Variants in FAM13A observed in about 807,000 individuals in gnomAD.
FAM13A encodes the protein protein FAM13A.
A neutral mutation model predicts 129.6 loss-of-function variants in FAM13A; 76 were observed. That is an observed-to-expected ratio of 0.59 (90% CI 0.49 to 0.71). The LOEUF (loss-of-function observed/expected upper bound fraction) is 0.71. FAM13A is among the 30% of genes least tolerant of loss of function. The pLI is 0.00. For synonymous variants in FAM13A, 443 were observed against 449.9 expected, an observed-to-expected ratio of 0.98 and a Z score of 0.20; for missense variants, 1,108 against 1,249.3, an observed-to-expected ratio of 0.89 and a Z score of 1.70.
intron 8 of FAM13A, among the ~76,000 whole-genome samples, chr4:88,798,605 A>C (rs917033268): frequency 1.3e-5 from 2 of 152,188 alleles, no homozygotes; most frequent in Non-Finnish European, 2.9e-5. Flanking sequence ...TTTAGTTGGC[A>C]GAACATGAAG....
intron 5 of FAM13A, chr4:88,937,585 T>C (rs1754050785): frequency 6.5e-6 from 1 of 154,848 alleles, no homozygotes; most frequent in Non-Finnish European, 1.4e-5. Flanking sequence ...GACTCCTTTA[T>C]AGGTTTTTAA....
chr4:88,856,820 TCATAATC>T (rs1738593897), intron 6 of FAM13A, among the ~76,000 whole-genome samples: 1 of 152,186 alleles, frequency 6.6e-6, no homozygotes, highest in Non-Finnish European at 1.5e-5. Flanking sequence ...TTCGTTAAAC[TCATAATC>T]TTCATAAGAA....
At chr4:88,747,119 A>G in intron 18 of FAM13A, 104 bp from the exon 19 acceptor site, 4 of 765,934 alleles carry the variant, frequency 5.2e-6, no homozygotes, top group East Asian at 2.6e-5. Flanking sequence ...GAACCCTCAT[A>G]TAACAGCTCT....
intron 7 of FAM13A, among the ~76,000 whole-genome samples, chr4:88,822,184 T>C (rs1732089393): frequency 6.6e-6 from 1 of 152,124 alleles, no homozygotes; most frequent in Non-Finnish European, 1.5e-5. Context: ...AATAGGACAA[T>C]ATGATTAGCA....
intron 7 of FAM13A, among the ~76,000 whole-genome samples, chr4:88,836,290 T>C (rs1734791159): frequency 6.6e-6 from 1 of 152,234 alleles, no homozygotes; most frequent in South Asian, 2.1e-4. Context: ...TTTGTAACAC[T>C]ATTTTTCATT....
At chr4:88,788,993 C>G (rs1560997883) in intron 9 of FAM13A, among the ~76,000 whole-genome samples, 1 of 152,078 alleles carries the variant, frequency 6.6e-6, no homozygotes, top group Non-Finnish European at 1.5e-5. Flanking sequence ...AACTCCATGT[C>G]TCAAATGATT....
chr4:88,970,575 T>A (rs1425766636), intron 4 of FAM13A, among the ~76,000 whole-genome samples: 1 of 151,644 alleles, frequency 6.6e-6, no homozygotes, highest in Non-Finnish European at 1.5e-5. Flanking sequence ...TTAGCCTTAA[T>A]AAATTTCAAA....
chr4:88,852,055 G>A (rs555144263), intron 6 of FAM13A, among the ~76,000 whole-genome samples: 3 of 152,138 alleles, frequency 2.0e-5, no homozygotes, highest in Admixed American at 6.5e-5. Context: ...CATCTGGAAT[G>A]TCATGTGCTC....
chr4:88,992,210 T>A (rs1324758521), intron 3 of FAM13A, among the ~76,000 whole-genome samples: 1 of 152,172 alleles, frequency 6.6e-6, no homozygotes, highest in Admixed American at 6.5e-5. Context: ...ATAATAGTCC[T>A]GAATAAAGAT....
chr4:88,834,228 AT>A (rs1344237616), intron 7 of FAM13A, among the ~76,000 whole-genome samples: 1 of 150,098 alleles, frequency 6.7e-6, no homozygotes, highest in Non-Finnish European at 1.5e-5. Flanking sequence ...AAAAAAATCC[AT>A]TTCAGAAAAT....
At chr4:88,853,430 A>G (rs1737956440) in intron 6 of FAM13A, among the ~76,000 whole-genome samples, 1 of 152,200 alleles carries the variant, frequency 6.6e-6, no homozygotes, top group Non-Finnish European at 1.5e-5. Flanking sequence ...ACATGAAAGT[A>G]AAAATATACG....
intron 6 of FAM13A, among the ~76,000 whole-genome samples, chr4:88,862,320 G>C (rs1055824032): frequency 6.6e-6 from 1 of 152,170 alleles, no homozygotes; most frequent in Non-Finnish European, 1.5e-5. Context: ...GAGAGGTGAG[G>C]AGGGAAGGCT....
At chr4:88,927,830 C>A (rs1030681639) in intron 5 of FAM13A, among the ~76,000 whole-genome samples, 2 of 151,600 alleles carry the variant, frequency 1.3e-5, no homozygotes, top group Non-Finnish European at 2.9e-5. Context: ...TTTCATTGGT[C>A]CTTTGTATTT....
At position 88,727,801 on chromosome 4, in the gene FAM13A, A is replaced by G. The variant is rs1736730028; in HGVS notation, c.*732T>C. Reference sequence around the variant, plus strand: ...TGACCTGGTTTTAAAATCAGCATTCATACAGCTGCTTACCATCTCTCTGTC... The same window carrying G: ...TGACCTGGTTTTAAAATCAGCATTCGTACAGCTGCTTACCATCTCTCTGTC... On this transcript the variant is annotated 3_prime_UTR_variant, in exon 24 of 24. Coordinates refer to ENST00000264344, the MANE Select transcript of FAM13A (RefSeq NM_014883.4). 1 of 152,238 alleles carries G rather than the reference A, an allele frequency of 6.6e-6. No homozygotes were observed. Among genetic ancestry groups the G allele is most frequent in the Admixed American group, 6.5e-5 (1 of 15,288 alleles). 9.4% of individuals were successfully genotyped at this position (152,238 alleles called of 1,614,324 possible).
chr4:88,749,136 C>A, intron 16 of FAM13A, 103 bp from the exon 17 acceptor site: 2 of 815,400 alleles, frequency 2.5e-6, no homozygotes, highest in East Asian at 2.4e-5. Context: ...AAAGTTGAGC[C>A]CCATCAGAAT....
At chr4:88,750,059 C>T (rs977131019) in intron 15 of FAM13A, 150 bp from the exon 16 acceptor site, 2 of 730,330 alleles carry the variant, frequency 2.7e-6, no homozygotes, top group Non-Finnish European at 4.5e-6. Flanking sequence ...GAATAAAAGA[C>T]ACTTGAGTGA....
chr4:89,007,251 A>G (rs1380224527), intron 3 of FAM13A, among the ~76,000 whole-genome samples: 1 of 152,188 alleles, frequency 6.6e-6, no homozygotes, highest in Non-Finnish European at 1.5e-5. Context: ...TGCCCCTAAC[A>G]AACAGGGCAG....
In FAM13A at chr4:89,009,764, G is replaced by C. The variant is rs553526528; in HGVS notation, c.427+10696C>G. 8.5e-5 allele frequency among the ~76,000 whole-genome samples: 13 copies of C among 152,290 alleles called. 1 individual carries two copies. The South Asian group carries it at 2.1e-3, about 24-fold the overall frequency. On this transcript the variant is annotated intron_variant, in intron 3 of 23. Coordinates refer to ENST00000264344, the MANE Select transcript of FAM13A (RefSeq NM_014883.4). Reference sequence around the variant, plus strand: ...AGAGGAAGAAGAGACAGGAGAAAAGGGTTGACAAACCAGTCCAGGGAGAGT... The same window carrying C: ...AGAGGAAGAAGAGACAGGAGAAAAGCGTTGACAAACCAGTCCAGGGAGAGT...
intron 6 of FAM13A, among the ~76,000 whole-genome samples, chr4:88,899,616 C>A (rs1746932549): frequency 6.6e-6 from 1 of 151,964 alleles, no homozygotes; most frequent in African/African-American, 2.4e-5. Flanking sequence ...GGCTATAAAA[C>A]TAATACAATT....
Sources: allele counts gnomAD v4.1 joint callset (sites outside exome capture counted in the v4.1 genomes callset), GRCh38; gene constraint gnomAD v4.1.1; transcripts MANE v1.5; gene names NCBI Gene and HGNC (gene_info 2026-07-23, HGNC 2026-07-21).